MPP4: variants seen among roughly 807,000 people sequenced by gnomAD.
The protein encoded by MPP4 is MAGUK p55 subfamily member 4.
MPP4 carries 91 observed loss-of-function variants against 98.3 expected under a neutral mutation model. That is an observed-to-expected ratio of 0.93 (90% CI 0.78 to 1.10). The LOEUF is 1.10. Ranked by LOEUF, MPP4 falls within the 50% of genes least tolerant of loss-of-function variation. The pLI is 0.00. For missense variants in MPP4, 744 were observed against 792.9 expected, an observed-to-expected ratio of 0.94 and a Z score of 0.74; for synonymous variants, 261 against 271.8, an observed-to-expected ratio of 0.96 and a Z score of 0.39.
At chr2:201,652,108 T>C (rs1687730328) in intron 18 of MPP4, 2 of 670,294 alleles carry the variant, frequency 3.0e-6, no homozygotes, top group South Asian at 6.6e-5. Flanking sequence ...AGCAACTTCT[T>C]GGTCTCCCAC....
intron 13 of MPP4, 177 bp from the exon 14 acceptor site, chr2:201,664,278 C>T: frequency 1.4e-6 from 2 of 1,474,672 alleles, no homozygotes; most frequent in Non-Finnish European, 1.8e-6. Context: ...ATCAGCTTTA[C>T]ATGAAACACA....
At chr2:201,672,835 G>A (rs1559011453) in intron 11 of MPP4, among the ~76,000 whole-genome samples, 1 of 151,866 alleles carries the variant, frequency 6.6e-6, no homozygotes, top group Non-Finnish European at 1.5e-5. Context: ...CCAAACAATG[G>A]AAAAAGAGGG....
chr2:201,646,186 T>A (rs1398491423), intron 21 of MPP4, among the ~76,000 whole-genome samples: 2 of 152,166 alleles, frequency 1.3e-5, no homozygotes, highest in African/African-American at 4.8e-5. Context: ...TGAAACTTTT[T>A]AACCATATAC....
At position 201,685,155 on chromosome 2, in the gene MPP4, G is replaced by T; in HGVS notation, c.493-10C>A. 1 of 1,604,394 alleles carries T rather than the reference G, an allele frequency of 6.2e-7. No homozygotes were observed. Among genetic ancestry groups the T allele is most frequent in the South Asian group, 1.1e-5 (1 of 88,956 alleles). ...GCTTGATGGTGGCTCCCTGAAGAGA[G>T]AATAGACGAGATCCCTCTGTTACCT... On this transcript the variant is annotated splice_polypyrimidine_tract_variant and intron_variant, in intron 6 of 21. Transcript: ENST00000409474.
At chr2:201,650,234 TAA>T in intron 18 of MPP4, 69 bp from the exon 19 acceptor site, 2 of 1,500,722 alleles carry the variant, frequency 1.3e-6, no homozygotes, top group Non-Finnish European at 1.8e-6. Context: ...TGCATTTGAA[TAA>T]AGATATCTAA....
intron 12 of MPP4, among the ~76,000 whole-genome samples, chr2:201,667,933 G>A (rs1270614264): frequency 6.6e-6 from 1 of 152,036 alleles, no homozygotes; most frequent in Non-Finnish European, 1.5e-5. Context: ...ACTGTCATTT[G>A]TTTACTTATA....
At chr2:201,675,135 CTCTT>C (rs1415097115) in intron 11 of MPP4, 68 bp downstream of exon 11, 10 of 1,471,326 alleles carry the variant, frequency 6.8e-6, no homozygotes, top group African/African-American at 2.8e-5. Context: ...ATCAATTAGA[CTCTT>C]TATTTACTGC....
intron 15 of MPP4, among the ~76,000 whole-genome samples, chr2:201,659,084 T>C (rs111853204): frequency 0.11 from 16,766 of 152,030 alleles, 1,054 homozygotes; most frequent in African/African-American, 0.17. Flanking sequence ...TTAGTAGAGA[T>C]GGAGTTTCAC....
chr2:201,654,786 A>T, intron 18 of MPP4, 51 bp downstream of exon 18: 1 of 1,362,524 alleles, frequency 7.3e-7, no homozygotes, highest in Non-Finnish European at 1.0e-6. Context: ...GAGATCAGCA[A>T]AGAAAGTTTT....
chr2:201,661,995 C>A, intron 14 of MPP4: 3 of 330,324 alleles, frequency 9.1e-6, no homozygotes, highest in South Asian at 5.3e-5. Flanking sequence ...AACAGGCCAA[C>A]CATCTAACGG....
chr2:201,657,963 T>TG (rs1687906503), intron 16 of MPP4, among the ~76,000 whole-genome samples: 4 of 150,860 alleles, frequency 2.7e-5, no homozygotes, highest in Admixed American at 2.6e-4. Context: ...TGTTTTTTTT[T>TG]TTTTTGTTTT....
intron 15 of MPP4, among the ~76,000 whole-genome samples, chr2:201,659,921 T>A (rs1687978745): frequency 1.3e-5 from 2 of 152,114 alleles, no homozygotes; most frequent in African/African-American, 4.8e-5. Context: ...CTTTTTTTTT[T>A]AAGTGTTTTA....
rs765784790 is a variant in MPP4, at chr2:201,675,287, A to G, written c.930-16T>C. 4 of 1,602,456 alleles carry G rather than the reference A, an allele frequency of 2.5e-6. No individual in the cohort carries two copies. The highest frequency in any genetic ancestry group is 1.7e-5 in the Admixed American group (1 of 58,250). ...CCGTTGCTTCCTATGGGGGGGAAAA[A>G]ACCATGCGACAAAAAACAAACAAAA... is the stretch of plus-strand genomic sequence containing the variant. On this transcript the variant is annotated splice_polypyrimidine_tract_variant and intron_variant, in intron 10 of 21. Coordinates refer to ENST00000409474, the MANE Select transcript of MPP4 (RefSeq NM_033066.3).
intron 10 of MPP4, among the ~76,000 whole-genome samples, chr2:201,679,169 G>A (rs1402908234): frequency 6.6e-6 from 1 of 151,954 alleles, no homozygotes; most frequent in Non-Finnish European, 1.5e-5. Context: ...ATCCTCACCT[G>A]CTTCATTTCC....
chr2:201,674,906 C>T (rs1318057007), intron 11 of MPP4, among the ~76,000 whole-genome samples: 1 of 152,082 alleles, frequency 6.6e-6, no homozygotes, highest in Admixed American at 6.5e-5. Flanking sequence ...CAACCAATGG[C>T]TCCTGTGGCT....
chr2:201,654,690 A>G, intron 18 of MPP4, 147 bp downstream of exon 18: 1 of 470,610 alleles, frequency 2.1e-6, no homozygotes, highest in Non-Finnish European at 3.5e-6. Flanking sequence ...AGTTTTCCTT[A>G]TTAAAATAAA....
Position 201,675,381 on chromosome 2 carries a change from G to A in MPP4, c.930-110C>T, listed in dbSNP as rs1688481475. The stretch of plus-strand genomic sequence containing the variant: ...CAAACAGAATGTTTCTTAGAATTCT[G>A]CTGCCTTCACTCAAGTGAAAAGGGT... On this transcript the variant is annotated intron_variant, in intron 10 of 21. Transcript: ENST00000409474. 4.5e-6 allele frequency: 5 copies of A among 1,104,966 alleles called. No individual in the cohort carries two copies. The African/African-American group carries it at 6.2e-5, about 14-fold the overall frequency. The allele number at this position is 1,104,966 out of a possible 1,614,324, so 68.4% of individuals were successfully genotyped here.
At chr2:201,658,922 C>G (rs1687934202) in intron 15 of MPP4, among the ~76,000 whole-genome samples, 3 of 152,060 alleles carry the variant, frequency 2.0e-5, no homozygotes, top group Admixed American at 2.0e-4. Context: ...CCTGCCTACC[C>G]CCCTGCTGTT....
intron 11 of MPP4, 190 bp downstream of exon 11, chr2:201,675,017 C>G (rs775423609): frequency 1.5e-5 from 11 of 717,236 alleles, no homozygotes; most frequent in Non-Finnish European, 2.5e-5. Context: ...ATAGCCACCA[C>G]CCCCACGCCC....
Sources: allele counts gnomAD v4.1 joint callset (sites outside exome capture counted in the v4.1 genomes callset), GRCh38; gene constraint gnomAD v4.1.1; transcripts MANE v1.5; gene names NCBI Gene and HGNC (gene_info 2026-07-23, HGNC 2026-07-21).